Variants in CERS6 observed in about 807,000 individuals in gnomAD.
The protein encoded by CERS6 is LAG1 homolog, ceramide synthase 6.
In CERS6, 26 loss-of-function variants were observed where a neutral mutation model predicts 56.8. The observed-to-expected ratio is 0.46, with a 90% CI of 0.34 to 0.63. The LOEUF (loss-of-function observed/expected upper bound fraction) is 0.63. CERS6 is among the 30% of genes least tolerant of loss of function. CERS6 has a pLI of 0.01. For missense variants in CERS6, 415 were observed against 467.5 expected, an observed-to-expected ratio of 0.89 and a Z score of 1.04; for synonymous variants, 164 against 173.3, an observed-to-expected ratio of 0.95 and a Z score of 0.42.
At chr2:168,547,723 G>T in intron 2 of CERS6, 22 bp downstream of exon 2, 12 of 1,462,952 alleles carry the variant, frequency 8.2e-6, no homozygotes, top group Non-Finnish European at 1.2e-5. Flanking sequence ...CTTTCCTGGG[G>T]TATAGATTGT....
intron 1 of CERS6, among the ~76,000 whole-genome samples, chr2:168,531,103 C>T (rs1574046383): frequency 6.6e-6 from 1 of 152,042 alleles, no homozygotes; most frequent in Non-Finnish European, 1.5e-5. Flanking sequence ...TTATAGGATT[C>T]AGGCTGTTTA....
In CERS6 at chr2:168,728,366, G is replaced by GA. The variant is rs571462636; in HGVS notation, c.845+10398dup. On this transcript the variant is annotated intron_variant, in intron 8 of 9. Coordinates refer to ENST00000305747, the MANE Select transcript of CERS6 (RefSeq NM_203463.3). ...TTTAAAACTGTTGTCCACGTTAGGGGAAAAAAAAAATGCAACTACTCTTTT... is the reference window on the plus strand; with the variant it reads ...TTTAAAACTGTTGTCCACGTTAGGGGAAAAAAAAAAATGCAACTACTCTTTT... Among the ~76,000 whole-genome samples the GA allele has an allele frequency of 2.1e-3, 294 of 137,836 alleles. 5 individuals are homozygous for GA. Among genetic ancestry groups the GA allele is most frequent in the African/African-American group, 6.9e-3 (255 of 37,134 alleles). The allele number at this position is 137,836 out of a possible 152,430, so 90.4% of individuals were successfully genotyped here.
intron 1 of CERS6, among the ~76,000 whole-genome samples, chr2:168,484,144 T>G (rs1694228449): frequency 6.7e-6 from 1 of 149,912 alleles, no homozygotes; most frequent in Non-Finnish European, 1.5e-5. Flanking sequence ...ACCTATTTTT[T>G]TCTTTTTCTT....
chr2:168,520,598 C>CTTTTTTTTTTTTTTTTTTTTTTTTTTT lies in CERS6; in HGVS notation c.171-26995_171-26969dup, dbSNP rs150724635. On this transcript the variant is annotated intron_variant, in intron 1 of 9. Transcript: ENST00000305747. The stretch of plus-strand genomic sequence containing the variant: ...TTAACTCTTTAACATTTACAATATC[C>CTTTTTTTTTTTTTTTTTTTTTTTTTTT]TTTTTTTTTTTTTTTTTTTTTTTTT... 2.6e-3 allele frequency among the ~76,000 whole-genome samples: 152 copies of CTTTTTTTTTTTTTTTTTTTTTTTTTTT among 57,910 alleles called. 36 individuals carry two copies. The highest frequency in any genetic ancestry group is 3.8e-3 in the Non-Finnish European group (118 of 31,022). The allele number at this position is 57,910 out of a possible 152,430, so 38.0% of individuals were successfully genotyped here.
intron 3 of CERS6, among the ~76,000 whole-genome samples, chr2:168,593,526 G>GTGTTTTGTTTTGTTT (rs148109520): frequency 1.3e-5 from 2 of 151,722 alleles, no homozygotes; most frequent in African/African-American, 4.9e-5. Flanking sequence ...GAGTTTCTGT[G>GTGTTTTGTTTTGTTT]TGTTTTGTTT....
In CERS6 at chr2:168,456,428, G is replaced by C. The variant is rs772156699; in HGVS notation, c.-21G>C. The C allele has an allele frequency of 1.2e-6, 2 of 1,600,474 alleles. No individual in the cohort carries two copies. The highest frequency in any genetic ancestry group is 1.7e-6 in the Non-Finnish European group (2 of 1,172,948). On this transcript the variant is annotated 5_prime_UTR_variant, in exon 1 of 10. Transcript: ENST00000305747. This position sits in a 1 kb window ranked among gnomAD's most constrained non-coding sequence, Gnocchi z 4.1. ...GCTTGGCGGGCTGCGGGTGCCGCAG[G>C]ACAGGAGTGGACAAAGCAAGATGGC... is the stretch of plus-strand genomic sequence containing the variant.
chr2:168,493,964 G>A (rs1694418425), intron 1 of CERS6, among the ~76,000 whole-genome samples: 1 of 152,050 alleles, frequency 6.6e-6, no homozygotes. Flanking sequence ...AGACTGCACA[G>A]ACTAAGGATG....
At position 168,547,708 on chromosome 2, in the gene CERS6, T is replaced by C. The variant is rs1695492026; in HGVS notation, c.276+7T>C. 3 of 1,567,616 alleles carry C rather than the reference T, an allele frequency of 1.9e-6. No individual in the cohort carries two copies. The highest frequency in any genetic ancestry group is 2.6e-6 in the Non-Finnish European group (3 of 1,137,712). On this transcript the variant is annotated splice_region_variant and intron_variant, in intron 2 of 9. Transcript: ENST00000305747. ...CTTCACTGCAATTACAAAGGTATGA[T>C]TGTCCTTTCCTGGGGTATAGATTGT...
At chr2:168,591,743 A>G (rs1683676392) in intron 3 of CERS6, among the ~76,000 whole-genome samples, 1 of 152,254 alleles carries the variant, frequency 6.6e-6, no homozygotes, top group African/African-American at 2.4e-5. Context: ...GCATAAAAAC[A>G]GATTCTAGAA....
intron 8 of CERS6, among the ~76,000 whole-genome samples, chr2:168,737,588 G>A (rs556961750): frequency 6.6e-6 from 1 of 152,278 alleles, no homozygotes; most frequent in South Asian, 2.1e-4. Context: ...CTCCAGGCAG[G>A]GACCAAAAAG....
At chr2:168,598,826 T>G (rs1412694551) in intron 3 of CERS6, among the ~76,000 whole-genome samples, 1 of 152,182 alleles carries the variant, frequency 6.6e-6, no homozygotes, top group African/African-American at 2.4e-5. Context: ...CATTTTCTTT[T>G]TAGAATCTGG....
chr2:168,703,891 A>T, intron 6 of CERS6, among the ~76,000 whole-genome samples: 1 of 151,996 alleles, frequency 6.6e-6, no homozygotes, highest in Non-Finnish European at 1.5e-5. Flanking sequence ...TTTCTTTCTC[A>T]CTGCTGTGTC....
At chr2:168,485,092 A>G (rs892478602) in intron 1 of CERS6, among the ~76,000 whole-genome samples, 2 of 152,044 alleles carry the variant, frequency 1.3e-5, no homozygotes, top group African/African-American at 4.8e-5. Flanking sequence ...GAAAATGAAA[A>G]TGTCCTTTGG....
chr2:168,661,950 G>A (rs919009669), intron 4 of CERS6, among the ~76,000 whole-genome samples: 1 of 152,212 alleles, frequency 6.6e-6, no homozygotes, highest in African/African-American at 2.4e-5. Context: ...TATACCAAAA[G>A]ATTTATGAAA....
At chr2:168,678,704 G>C (rs533555465) in intron 4 of CERS6, among the ~76,000 whole-genome samples, 1 of 152,104 alleles carries the variant, frequency 6.6e-6, no homozygotes, top group Non-Finnish European at 1.5e-5. Flanking sequence ...GAACACAAAG[G>C]CTCTTTAGAC....
chr2:168,543,573 GAA>G (rs1158481961), intron 1 of CERS6, among the ~76,000 whole-genome samples: 1 of 151,994 alleles, frequency 6.6e-6, no homozygotes, highest in Non-Finnish European at 1.5e-5. Context: ...TATGCTCTCT[GAA>G]AAAAATGTGA....
At chr2:168,492,259 G>A (rs76273153) in intron 1 of CERS6, among the ~76,000 whole-genome samples, 8,731 of 152,080 alleles carry the variant, frequency 0.057, 326 homozygotes, top group Non-Finnish European at 0.083. Flanking sequence ...ATTCCTATTC[G>A]TCCACATCCT....
At chr2:168,619,855 A>C (rs140057276) in intron 3 of CERS6, among the ~76,000 whole-genome samples, 2 of 151,714 alleles carry the variant, frequency 1.3e-5, no homozygotes, top group Admixed American at 6.6e-5. Flanking sequence ...AAAAGAAGTC[A>C]TTATGTGAAA....
chr2:168,548,648 A>G (rs1426136394), intron 2 of CERS6, among the ~76,000 whole-genome samples: 1 of 152,134 alleles, frequency 6.6e-6, no homozygotes, highest in South Asian at 2.1e-4. Context: ...AGCAAATTCT[A>G]TTTCTTTTCT....
Sources: gnomAD v4.1 joint callset for allele counts (sites outside exome capture counted in the v4.1 genomes callset) on GRCh38, gnomAD v4.1.1 for gene constraint, Gnocchi (gnomAD v3.1) non-coding constraint, MANE v1.5 for transcripts, NCBI Gene and HGNC (gene_info 2026-07-23, HGNC 2026-07-21) for gene names.